Variants in GRIK4 observed in about 807,000 individuals in gnomAD.
The protein encoded by GRIK4 is glutamate receptor ionotropic, kainate 4.
A neutral mutation model predicts 104.9 loss-of-function variants in GRIK4; 40 were observed. The observed-to-expected ratio is 0.38, with a 90% CI of 0.30 to 0.50. GRIK4 has a LOEUF of 0.50. GRIK4 is among the 20% of genes least tolerant of loss of function. The pLI is 0.93. For synonymous variants in GRIK4, 485 were observed against 524.9 expected, an observed-to-expected ratio of 0.92 and a Z score of 1.04; for missense variants, 1,047 against 1,308.1, an observed-to-expected ratio of 0.80 and a Z score of 3.08.
At chr11:120,658,215 C>T (rs566750004) in intron 2 of GRIK4, among the ~76,000 whole-genome samples, 1 of 151,690 alleles carries the variant, frequency 6.6e-6, no homozygotes, top group South Asian at 2.1e-4. Context: ...ATGTGGTTGT[C>T]GATTATTCAT....
chr11:120,686,381 C>T (rs996407005), intron 3 of GRIK4, among the ~76,000 whole-genome samples: 10 of 152,290 alleles, frequency 6.6e-5, no homozygotes, highest in African/African-American at 2.4e-4. Context: ...TTAACTGTGC[C>T]ACTTATAGTA....
chr11:120,709,253 C>T (rs573438744), intron 3 of GRIK4, among the ~76,000 whole-genome samples: 1 of 151,876 alleles, frequency 6.6e-6, no homozygotes, highest in Non-Finnish European at 1.5e-5. Flanking sequence ...CTACCCTCAT[C>T]TAGAATGCTC....
chr11:120,611,758 G>A (rs541988095), intron 1 of GRIK4, among the ~76,000 whole-genome samples: 23 of 152,192 alleles, frequency 1.5e-4, no homozygotes, highest in South Asian at 8.3e-4. Flanking sequence ...CGGTGGGGGC[G>A]GAGACTGTGC....
intron 1 of GRIK4, chr11:120,564,681 G>A (rs866246454): frequency 7.9e-5 from 12 of 152,290 alleles, no homozygotes; most frequent in African/African-American, 2.4e-4. Context: ...CGCCCGCGGC[G>A]GGAATACTAA....
At chr11:120,532,665 C>G (rs1362912180) in intron 1 of GRIK4, among the ~76,000 whole-genome samples, 1 of 152,226 alleles carries the variant, frequency 6.6e-6, no homozygotes, top group African/African-American at 2.4e-5. Context: ...TAATTAGCAT[C>G]TTCTGCTTTC....
rs1454187791 is a variant in GRIK4 at position 120,513,777 on chromosome 11, G to C, written c.-159+1890G>C. On this transcript the variant is annotated intron_variant, in intron 1 of 20. Coordinates refer to ENST00000527524, the MANE Select transcript of GRIK4 (RefSeq NM_014619.5). This position sits in a 1 kb window ranked among gnomAD's most constrained non-coding sequence, Gnocchi z 4.5. ...AGCACTGGTCCCTCCGGGTGGGGAA[G>C]AGGTGGATGCTCGGGAGGGGAGGTT... Among the ~76,000 whole-genome samples, 1 of 152,208 alleles carries C rather than the reference G, an allele frequency of 6.6e-6. No homozygotes were observed.
chr11:120,931,871 C>A (rs1943488312), intron 13 of GRIK4, among the ~76,000 whole-genome samples: 2 of 152,144 alleles, frequency 1.3e-5, no homozygotes, highest in African/African-American at 4.8e-5. Flanking sequence ...GCCTCTCCAG[C>A]CTCATCTTAC....
chr11:120,581,539 C>G (rs979295455), intron 1 of GRIK4, among the ~76,000 whole-genome samples: 4 of 152,202 alleles, frequency 2.6e-5, no homozygotes, highest in Admixed American at 2.6e-4. Flanking sequence ...AACTGAAACT[C>G]TGTACCCATT....
rs1943691111 is a variant in GRIK4, at chr11:120,940,251, T to C, written c.1477-96T>C. ...CCTCAAGCAAGAAGCCAGACCAGCA[T>C]CACATCTCCAATAGCAGTGACGGTT... is the stretch of plus-strand genomic sequence containing the variant. On this transcript the variant is annotated intron_variant, in intron 13 of 20. Transcript: ENST00000527524. The surrounding 1 kb of genome is among the most constrained non-coding windows in gnomAD (Gnocchi z 4.3). 4.2e-6 allele frequency: 3 copies of C among 713,258 alleles called. No individual in the cohort carries two copies. The Admixed American group carries it at 7.1e-5, about 17-fold the overall frequency. The allele number at this position is 713,258 out of a possible 1,614,324, so 44.2% of individuals were successfully genotyped here.
At chr11:120,970,432 C>T (rs1476738495) in intron 19 of GRIK4, among the ~76,000 whole-genome samples, 1 of 152,214 alleles carries the variant, frequency 6.6e-6, no homozygotes. Context: ...GCTTTCCTTT[C>T]ATTTTTCAAC....
chr11:120,621,913 T>G (rs1949194614), intron 1 of GRIK4, among the ~76,000 whole-genome samples: 1 of 152,024 alleles, frequency 6.6e-6, no homozygotes, highest in Non-Finnish European at 1.5e-5. Context: ...TAATTTTTGT[T>G]TTTTTGAGAC....
At position 120,757,716 on chromosome 11, in the gene GRIK4, C is replaced by T. The variant is rs369018181; in HGVS notation, c.83-44977C>T. Among the ~76,000 whole-genome samples, 41 of 152,316 alleles carry T rather than the reference C, an allele frequency of 2.7e-4. No homozygotes were observed. The East Asian group carries it at 7.7e-3, about 29-fold the overall frequency. ...GGGCATGGAGCCACCAGTTCTCCCT[C>T]AGTGATCAGGGGCCGTTACTAAGTC... On this transcript the variant is annotated intron_variant, in intron 3 of 20. Transcript: ENST00000527524.
In GRIK4 at chr11:120,883,977, G is replaced by A. The variant is rs148600668; in HGVS notation, c.1164+8734G>A. On this transcript the variant is annotated intron_variant, in intron 11 of 20. Coordinates refer to ENST00000527524, the MANE Select transcript of GRIK4 (RefSeq NM_014619.5). ...TGATGGGAGGTGGGCCAGGCCACCGGCCAGAGGTGTGGGGTTTGCAGGCAG... is the reference window on the plus strand; with the variant it reads ...TGATGGGAGGTGGGCCAGGCCACCGACCAGAGGTGTGGGGTTTGCAGGCAG... Among the ~76,000 whole-genome samples the A allele has an allele frequency of 1.1e-3, 169 of 152,312 alleles. 1 individual carries two copies. The highest frequency in any genetic ancestry group is 3.8e-3 in the African/African-American group (160 of 41,566).
intron 3 of GRIK4, among the ~76,000 whole-genome samples, chr11:120,695,012 A>T (rs1289610463): frequency 2.0e-5 from 3 of 152,122 alleles, no homozygotes; most frequent in African/African-American, 4.8e-5. Flanking sequence ...TTAAAAAAAG[A>T]ATCCCGAGCC....
chr11:120,610,422 C>T (rs1436065251), intron 1 of GRIK4, among the ~76,000 whole-genome samples: 1 of 152,194 alleles, frequency 6.6e-6, no homozygotes, highest in Non-Finnish European at 1.5e-5. Context: ...GGATGCCAAC[C>T]CCCTAAGCCT....
At chr11:120,804,956 A>T (rs1952685479) in intron 4 of GRIK4, among the ~76,000 whole-genome samples, 2 of 152,202 alleles carry the variant, frequency 1.3e-5, no homozygotes, top group South Asian at 4.1e-4. Context: ...GTAGGCACAG[A>T]TTCCTCCCCA....
intron 1 of GRIK4, among the ~76,000 whole-genome samples, chr11:120,623,471 C>G (rs1231349849): frequency 6.6e-6 from 1 of 152,132 alleles, no homozygotes; most frequent in Non-Finnish European, 1.5e-5. Flanking sequence ...GGTCTGTGAA[C>G]AAGCCCATGC....
intron 3 of GRIK4, among the ~76,000 whole-genome samples, chr11:120,802,326 C>G (rs1374287177): frequency 6.6e-6 from 1 of 152,184 alleles, no homozygotes; most frequent in Non-Finnish European, 1.5e-5. Context: ...TTTCAAAGGA[C>G]AGCCACTACC....
At chr11:120,835,264 A>G (rs1953543689) in intron 7 of GRIK4, among the ~76,000 whole-genome samples, 1 of 152,212 alleles carries the variant, frequency 6.6e-6, no homozygotes, top group African/African-American at 2.4e-5. Context: ...GCGGTGCCTC[A>G]CGCCTGTAAT....
Sources: allele counts gnomAD v4.1 joint callset (sites outside exome capture counted in the v4.1 genomes callset), GRCh38; gene constraint gnomAD v4.1.1; non-coding constraint Gnocchi (gnomAD v3.1); transcripts MANE v1.5; gene names NCBI Gene and HGNC (gene_info 2026-07-23, HGNC 2026-07-21).